The following KAZN variants were observed in gnomAD, a reference collection of about 807,000 sequenced individuals.
KAZN encodes kazrin, periplakin interacting protein.
In KAZN, 40 loss-of-function variants were observed where a neutral mutation model predicts 87.4. That is an observed-to-expected ratio of 0.46 (90% CI 0.36 to 0.60). KAZN has a LOEUF of 0.60. KAZN is among the 20% of genes least tolerant of loss of function. The probability of loss-of-function intolerance (pLI) is 0.00; values close to 1 mark genes in which losing one functional copy is unlikely to be tolerated. For synonymous variants in KAZN, 466 were observed against 458.3 expected, an observed-to-expected ratio of 1.02 and a Z score of -0.22; for missense variants, 898 against 1,073.9, an observed-to-expected ratio of 0.84 and a Z score of 2.29.
intron 2 of KAZN, among the ~76,000 whole-genome samples, chr1:14,206,449 C>T (rs1040322873): frequency 2.0e-5 from 3 of 152,090 alleles, no homozygotes; most frequent in African/African-American, 7.2e-5. Context: ...TAAAATTGTC[C>T]TATTCTCAAA....
intron 2 of KAZN, among the ~76,000 whole-genome samples, chr1:14,385,399 G>C (rs1436599336): frequency 2.0e-5 from 3 of 152,092 alleles, no homozygotes; most frequent in African/African-American, 7.2e-5. Flanking sequence ...TTTTAATTGT[G>C]ATGGTAGGGT....
At chr1:14,549,565 C>A (rs1673372519) in intron 2 of KAZN, among the ~76,000 whole-genome samples, 3 of 151,634 alleles carry the variant, frequency 2.0e-5, no homozygotes. Flanking sequence ...GTAATGGACC[C>A]AAACTTACGA....
At chr1:15,112,362 TGTGTGTG>T in intron 13 of KAZN, 58 bp from the exon 14 acceptor site, 1 of 727,620 alleles carries the variant, frequency 1.4e-6, no homozygotes, top group Non-Finnish European at 2.5e-6. Context: ...TGTGTGTGTG[TGTGTGTG>T]TGTGTCTGGG....
chr1:14,628,815 C>T (rs1251716029), intron 1 of KAZN, among the ~76,000 whole-genome samples: 1 of 151,686 alleles, frequency 6.6e-6, no homozygotes, highest in Non-Finnish European at 1.5e-5. Context: ...TTAACAAAAC[C>T]GGAAGCACTG....
intron 1 of KAZN, among the ~76,000 whole-genome samples, chr1:14,867,724 A>ATTCCCCCCCCCCC (rs35065469): frequency 9.3e-6 from 1 of 107,422 alleles, no homozygotes; most frequent in Non-Finnish European, 1.8e-5. Flanking sequence ...CTTTGAAGAC[A>ATTCCCCCCCCCCC]CCCCCCCCCC....
intron 2 of KAZN, among the ~76,000 whole-genome samples, chr1:14,529,765 G>C (rs1571871845): frequency 6.6e-6 from 1 of 152,190 alleles, no homozygotes; most frequent in Non-Finnish European, 1.5e-5. Context: ...CATCCTTGCT[G>C]CTCAGGCACG....
At chr1:14,125,603 T>C (rs75160266) in intron 1 of KAZN, among the ~76,000 whole-genome samples, 2,915 of 152,184 alleles carry the variant, frequency 0.019, 97 homozygotes, top group African/African-American at 0.066. Flanking sequence ...GTCAAGGGAC[T>C]ATGGTTCCCT....
intron 1 of KAZN, among the ~76,000 whole-genome samples, chr1:14,717,779 A>ATCTT (rs1642872661): frequency 6.6e-6 from 1 of 152,176 alleles, no homozygotes; most frequent in East Asian, 1.9e-4. Context: ...GAGGCCCAAG[A>ATCTT]GGGCAGTTTG....
chr1:14,741,894 AT>A (rs1304132275), intron 1 of KAZN, among the ~76,000 whole-genome samples: 2 of 152,100 alleles, frequency 1.3e-5, no homozygotes, highest in Non-Finnish European at 2.9e-5. Context: ...CAGAATCCAA[AT>A]ATTCCCTTTC....
At chr1:14,849,725 G>A (rs996857050) in intron 1 of KAZN, among the ~76,000 whole-genome samples, 4 of 152,280 alleles carry the variant, frequency 2.6e-5, no homozygotes, top group South Asian at 4.2e-4. Context: ...GAGGGCATTC[G>A]CTTCTGATAG....
At chr1:14,903,188 G>A (rs559156767) in intron 1 of KAZN, among the ~76,000 whole-genome samples, 1 of 152,028 alleles carries the variant, frequency 6.6e-6, no homozygotes, top group Non-Finnish European at 1.5e-5. Flanking sequence ...TTCTGTGGTG[G>A]TCTCTCTGAT....
At position 14,599,674 on chromosome 1, in the gene KAZN, C is replaced by G. The variant is rs1676796269; in HGVS notation, c.226+451C>G. On this transcript the variant is annotated intron_variant, in intron 1 of 14. Transcript: ENST00000376030. This position sits in a 1 kb window ranked among gnomAD's most constrained non-coding sequence, Gnocchi z 4.4. ...GCCGTGGTTGGGATAGAGGATTGCACTGCTGTGCACTTTTCTCCGCGGATG... is the reference window on the plus strand; with the variant it reads ...GCCGTGGTTGGGATAGAGGATTGCAGTGCTGTGCACTTTTCTCCGCGGATG... Among the ~76,000 whole-genome samples, 1 of 152,226 alleles carries G rather than the reference C, an allele frequency of 6.6e-6. No homozygotes were observed. Among genetic ancestry groups the G allele is most frequent in the Admixed American group, 6.5e-5 (1 of 15,290 alleles).
At position 14,076,801 on chromosome 1, in the gene KAZN, C is replaced by G. The variant is rs551925658; in HGVS notation, c.92-103634C>G. ...CTTTTCTATAAAAAGTTTGCAGGCT[C>G]CTGCTCTCAACTCTCCTGTGGTGCA... On this transcript the variant is annotated intron_variant, in intron 1 of 16. Coordinates refer to the KAZN transcript ENST00000636203. Among the ~76,000 whole-genome samples the G allele has an allele frequency of 1.1e-4, 17 of 152,266 alleles. No homozygotes were observed. In the South Asian group the frequency reaches 3.5e-3, roughly 32 times the overall value.
chr1:13,991,773 C>T (rs1186146909), intron 1 of KAZN, among the ~76,000 whole-genome samples: 1 of 152,120 alleles, frequency 6.6e-6, no homozygotes, highest in East Asian at 1.9e-4. Flanking sequence ...CCCTCCTTTC[C>T]TTCAACAAAT....
At position 15,068,155 on chromosome 1, in the gene KAZN, G is replaced by A. The variant is rs930868760; in HGVS notation, c.1222+2402G>A. The A allele has an allele frequency of 5.4e-5, 47 of 866,244 alleles. No individual in the cohort carries two copies. In the Admixed American group the frequency reaches 1.5e-3, roughly 28 times the overall value. 53.7% of individuals were successfully genotyped at this position (866,244 alleles called of 1,614,324 possible). ...ATAAAGCTTATTTTAAAATATGATC[G>A]AATTCTATGTTATTTGATTGCTTCT... On this transcript the variant is annotated intron_variant, in intron 8 of 14. Coordinates refer to ENST00000376030, the MANE Select transcript of KAZN (RefSeq NM_201628.3).
At chr1:14,084,160 A>C (rs1179348341) in intron 1 of KAZN, among the ~76,000 whole-genome samples, 1 of 152,146 alleles carries the variant, frequency 6.6e-6, no homozygotes, top group Non-Finnish European at 1.5e-5. Context: ...AGATGGAGAG[A>C]AGCGGGAAGG....
At chr1:14,520,032 A>G (rs1671504465) in intron 2 of KAZN, among the ~76,000 whole-genome samples, 1 of 152,168 alleles carries the variant, frequency 6.6e-6, no homozygotes, top group South Asian at 2.1e-4. Flanking sequence ...GGTGGCAAGA[A>G]GACGCCTTAT....
chr1:14,567,939 A>C (rs1674639219), intron 2 of KAZN, among the ~76,000 whole-genome samples: 1 of 152,062 alleles, frequency 6.6e-6, no homozygotes. Flanking sequence ...AGCTATATAA[A>C]CCCCCTCGCT....
chr1:15,083,014 G>A (rs1323717418), intron 8 of KAZN, among the ~76,000 whole-genome samples: 1 of 152,150 alleles, frequency 6.6e-6, no homozygotes, highest in African/African-American at 2.4e-5. Context: ...CCTCCTCTAA[G>A]TCCCAGCCCT....
Sources: gnomAD v4.1 joint callset for allele counts (sites outside exome capture counted in the v4.1 genomes callset) on GRCh38, gnomAD v4.1.1 for gene constraint, Gnocchi (gnomAD v3.1) non-coding constraint, MANE v1.5 for transcripts, NCBI Gene and HGNC (gene_info 2026-07-23, HGNC 2026-07-21) for gene names.